The following PRELID2 variants were observed in gnomAD, a reference collection of about 807,000 sequenced individuals.
The protein encoded by PRELID2 is PRELI domain-containing protein 2.
A neutral mutation model predicts 28.4 loss-of-function variants in PRELID2; 25 were observed. The observed-to-expected ratio is 0.88, with a 90% confidence interval of 0.64 to 1.23. The LOEUF is 1.23. Among genes scored for constraint, PRELID2 ranks in the 50% most tolerant of loss-of-function variants. PRELID2 has a pLI of 0.00. For missense variants in PRELID2, 201 were observed against 214.4 expected (o/e 0.94, Z 0.39); for synonymous variants, 76 against 71.6 (o/e 1.06, Z -0.31).
intron 1 of PRELID2, among the ~76,000 whole-genome samples, chr5:145,494,411 G>A (rs565980957): frequency 3.0e-4 from 45 of 152,236 alleles, no homozygotes; most frequent in Non-Finnish European, 6.0e-4. Flanking sequence ...CTAACTGAAA[G>A]CAATATAGGA....
At chr5:145,302,475 GC>G in the PRELID2 span, among the ~76,000 whole-genome samples, 2 of 151,078 alleles carry the variant, frequency 1.3e-5, no homozygotes, top group African/African-American at 4.9e-5. Context: ...TTTTATACTT[GC>G]TTTTCTTGCA....
intron 1 of PRELID2, among the ~76,000 whole-genome samples, chr5:145,518,614 G>A (rs950114781): frequency 6.6e-6 from 1 of 152,182 alleles, no homozygotes; most frequent in Non-Finnish European, 1.5e-5. Context: ...TAACAATATA[G>A]AGGATTAACA....
chr5:145,428,927 T>TG, the PRELID2 span, among the ~76,000 whole-genome samples: 106,151 of 151,910 alleles, frequency 0.7, 37,465 homozygotes, highest in Admixed American at 0.73. Flanking sequence ...CCAGTGTGGC[T>TG]GGGCTGAGTG....
chr5:145,405,702 G>GT, the PRELID2 span, among the ~76,000 whole-genome samples: 2,131 of 54,476 alleles, frequency 0.039, 49 homozygotes, highest in African/African-American at 0.096. Context: ...CCACATAGTT[G>GT]TTTTTTTTTT....
intron 5 of PRELID2, among the ~76,000 whole-genome samples, chr5:145,787,529 T>C (rs1465051959): frequency 2.2e-5 from 3 of 134,464 alleles, no homozygotes; most frequent in Non-Finnish European, 4.7e-5. Context: ...AACAGGGCAA[T>C]ATTGAAAAGA....
intron 5 of PRELID2, among the ~76,000 whole-genome samples, chr5:145,781,698 C>CTA (rs376391264): frequency 0.023 from 3,320 of 143,234 alleles, 114 homozygotes; most frequent in African/African-American, 0.079. Context: ...ACTATATATA[C>CTA]TATATATATA....
At chr5:145,524,688 C>T (rs1376231196) in intron 1 of PRELID2, among the ~76,000 whole-genome samples, 2 of 152,110 alleles carry the variant, frequency 1.3e-5, no homozygotes, top group African/African-American at 2.4e-5. Flanking sequence ...AGTGCATAAA[C>T]CCACAAAACT....
the PRELID2 span, among the ~76,000 whole-genome samples, chr5:145,397,412 G>C: frequency 2.6e-5 from 4 of 152,134 alleles, no homozygotes; most frequent in African/African-American, 9.7e-5. Flanking sequence ...TGTCCACTGA[G>C]GGACCAGAAG....
chr5:145,260,841 G>A, the PRELID2 span, among the ~76,000 whole-genome samples: 1 of 152,198 alleles, frequency 6.6e-6, no homozygotes, highest in Non-Finnish European at 1.5e-5. Context: ...GTGGATTGCT[G>A]CTGCAGGCTC....
intron 1 of PRELID2, among the ~76,000 whole-genome samples, chr5:145,499,843 C>A (rs1200354076): frequency 1.3e-5 from 2 of 152,206 alleles, no homozygotes; most frequent in South Asian, 2.1e-4. Context: ...GAGATTAATT[C>A]TTTTAAAGTC....
intron 1 of PRELID2, among the ~76,000 whole-genome samples, chr5:145,830,935 T>A (rs1050175072): frequency 6.6e-6 from 1 of 152,186 alleles, no homozygotes; most frequent in Non-Finnish European, 1.5e-5. Flanking sequence ...TAGATCTGAT[T>A]TAAAATAGAA....
At chr5:145,357,529 C>A in the PRELID2 span, among the ~76,000 whole-genome samples, 1 of 152,126 alleles carries the variant, frequency 6.6e-6, no homozygotes, top group African/African-American at 2.4e-5. Context: ...GGTCAATTCT[C>A]CTATTAACAC....
intron 3 of PRELID2, among the ~76,000 whole-genome samples, chr5:145,818,260 G>A (rs1754515766): frequency 6.6e-6 from 1 of 152,116 alleles, no homozygotes; most frequent in Admixed American, 6.6e-5. Context: ...AAATGACCCA[G>A]GATTTATGTA....
the PRELID2 span, among the ~76,000 whole-genome samples, chr5:145,461,221 CA>C: frequency 6.6e-6 from 1 of 152,162 alleles, no homozygotes; most frequent in Non-Finnish European, 1.5e-5. Flanking sequence ...AGATAATAAG[CA>C]GCAATATGTA....
chr5:145,291,208 G>C, the PRELID2 span, among the ~76,000 whole-genome samples: 1 of 151,614 alleles, frequency 6.6e-6, no homozygotes, highest in Non-Finnish European at 1.5e-5. Flanking sequence ...CCTGTGTCAG[G>C]TGACTGTAAC....
the PRELID2 span, among the ~76,000 whole-genome samples, chr5:145,396,542 G>A: frequency 6.7e-6 from 1 of 149,138 alleles, no homozygotes; most frequent in African/African-American, 2.5e-5. Context: ...GTCCTATAAA[G>A]CCTAAAATAT....
chr5:145,275,991 A>G, the PRELID2 span, among the ~76,000 whole-genome samples: 2 of 152,178 alleles, frequency 1.3e-5, no homozygotes. Flanking sequence ...TCTGACACAA[A>G]GTAGCATTCA....
At chr5:145,719,702 CA>C (rs1755936874) in intron 1 of PRELID2, among the ~76,000 whole-genome samples, 1 of 151,934 alleles carries the variant, frequency 6.6e-6, no homozygotes, top group South Asian at 2.1e-4. Flanking sequence ...TACATTTATA[CA>C]AACCTACCGG....
chr5:145,445,097 A>T, the PRELID2 span, among the ~76,000 whole-genome samples: 2 of 152,112 alleles, frequency 1.3e-5, no homozygotes, highest in African/African-American at 2.4e-5. Flanking sequence ...AAAAGAAGAA[A>T]GCCAGAGGTA....
Sources: allele counts gnomAD v4.1 joint callset (sites outside exome capture counted in the v4.1 genomes callset), GRCh38; gene constraint gnomAD v4.1.1; transcripts MANE v1.5; gene names NCBI Gene and HGNC (gene_info 2026-07-23, HGNC 2026-07-21).